The following TTC23L variants were observed in gnomAD, a reference collection of about 807,000 sequenced individuals.
TTC23L encodes tetratricopeptide repeat domain 23 like.
In TTC23L, 42 loss-of-function variants were observed where a neutral mutation model predicts 48.1. The observed-to-expected ratio is 0.87, with a 90% CI of 0.68 to 1.13. The LOEUF is 1.13. TTC23L is among the 50% of genes most tolerant of loss of function. TTC23L has a pLI of 0.00. For missense variants in TTC23L, 391 were observed against 421.0 expected (o/e 0.93, Z 0.62); for synonymous variants, 159 against 157.2 (o/e 1.01, Z -0.09).
chr5:34,914,877 G>T, the TTC23L span: 6 of 1,614,122 alleles, frequency 3.7e-6, no homozygotes, highest in Non-Finnish European at 5.1e-6. Context: ...TGGATCTGTT[G>T]GGTCAGAAGG....
At chr5:34,918,911 A>G in the TTC23L span, 5 of 150,896 alleles carry the variant, frequency 3.3e-5, no homozygotes, top group African/African-American at 1.2e-4. Flanking sequence ...CTATTTCTAA[A>G]TGCCAGGTTA....
intron 7 of TTC23L, chr5:34,868,427 A>G (rs529785550): frequency 2.1e-4 from 33 of 153,698 alleles, no homozygotes; most frequent in Non-Finnish European, 3.9e-4. Flanking sequence ...TATAAAATCT[A>G]ACACTTTTTT....
the TTC23L span, chr5:34,916,434 A>G: frequency 6.6e-5 from 10 of 152,398 alleles, no homozygotes; most frequent in African/African-American, 2.4e-4. Flanking sequence ...CTTGTATTCA[A>G]CAGACATTGA....
chr5:34,864,548 A>C, exon 6 of TTC23L: 1 of 1,613,288 alleles, frequency 6.2e-7, no homozygotes, highest in Non-Finnish European at 8.5e-7. Context: ...ACGACCTAAC[A>C]CTTGCTTTGG....
At chr5:34,840,245 G>GC (rs1420312959) in intron 1 of TTC23L, among the ~76,000 whole-genome samples, 1 of 143,020 alleles carries the variant, frequency 7.0e-6, no homozygotes, top group East Asian at 2.0e-4. Context: ...CCCGGGGGGG[G>GC]GGGGGAAAGC....
intron 8 of TTC23L, among the ~76,000 whole-genome samples, chr5:34,876,449 A>G (rs1355792286): frequency 1.3e-5 from 2 of 152,198 alleles, no homozygotes; most frequent in Non-Finnish European, 2.9e-5. Flanking sequence ...AATGGACATT[A>G]ATAGGACAAT....
At chr5:34,924,670 A>G in the TTC23L span, among the ~76,000 whole-genome samples, 1 of 152,216 alleles carries the variant, frequency 6.6e-6, no homozygotes, top group African/African-American at 2.4e-5. Flanking sequence ...ACAACTTCCT[A>G]TAAGTACTAA....
the TTC23L span, chr5:34,915,629 G>A: frequency 8.1e-6 from 11 of 1,356,362 alleles, no homozygotes; most frequent in South Asian, 1.6e-4. Flanking sequence ...GCACAGACCT[G>A]GAGGACGACC....
chr5:34,847,710 G>C (rs749720877), intron 3 of TTC23L, among the ~76,000 whole-genome samples: 1 of 152,138 alleles, frequency 6.6e-6, no homozygotes, highest in Non-Finnish European at 1.5e-5. Context: ...CCTCGAAAGA[G>C]AACTTAGTAT....
At chr5:34,888,792 A>G (rs1762684303) in intron 9 of TTC23L, among the ~76,000 whole-genome samples, 1 of 152,224 alleles carries the variant, frequency 6.6e-6, no homozygotes, top group Non-Finnish European at 1.5e-5. Context: ...TTCAATGCTG[A>G]GCATTATAGA....
the TTC23L span, chr5:34,911,684 C>G: frequency 9.3e-6 from 15 of 1,614,028 alleles, no homozygotes; most frequent in African/African-American, 1.7e-4. Context: ...CTGCAGAAAT[C>G]AAAGTCCAGG....
chr5:34,847,244 G>C (rs896199489), intron 3 of TTC23L, among the ~76,000 whole-genome samples: 6 of 152,232 alleles, frequency 3.9e-5, no homozygotes, highest in Admixed American at 3.3e-4. Context: ...TCCTGGCCTG[G>C]ACCCATTAGT....
intron 9 of TTC23L, among the ~76,000 whole-genome samples, chr5:34,881,259 G>A (rs1044728024): frequency 1.3e-5 from 2 of 152,094 alleles, no homozygotes; most frequent in African/African-American, 4.8e-5. Context: ...TGCAGTAGTG[G>A]TTTTCTCTTG....
At chr5:34,923,398 C>T in the TTC23L span, 248 of 609,508 alleles carry the variant, frequency 4.1e-4, no homozygotes, top group African/African-American at 4.2e-3. Flanking sequence ...CTCCCTCAGT[C>T]TCCTGAGTAG....
intron 9 of TTC23L, among the ~76,000 whole-genome samples, chr5:34,884,117 A>G (rs1020569114): frequency 6.6e-6 from 1 of 152,200 alleles, no homozygotes; most frequent in Non-Finnish European, 1.5e-5. Context: ...AAATCAATCA[A>G]TGAGATACAC....
the TTC23L span, chr5:34,908,957 G>C: frequency 6.8e-3 from 10,847 of 1,593,846 alleles, 63 homozygotes; most frequent in Non-Finnish European, 7.8e-3. Context: ...ATCTGTAGAA[G>C]AAAAAATAAA....
intron 7 of TTC23L, chr5:34,867,424 TTTTTAAA>T: frequency 3.9e-6 from 1 of 254,314 alleles, no homozygotes; most frequent in South Asian, 6.3e-5. Flanking sequence ...ACAAAAGGCC[TTTTTAAA>T]TGAAAAATCA....
the TTC23L span, chr5:34,922,329 G>A: frequency 7.2e-6 from 9 of 1,254,394 alleles, no homozygotes; most frequent in Admixed American, 3.9e-5. Flanking sequence ...TCATTTAAGT[G>A]GATTTGTTCT....
rs76195471 is a variant in TTC23L, at chr5:34,864,484, A to C, written c.584A>C (p.Lys195Thr). The change falls in exon 6 of 11, where the codon AAG becomes ACG. Residue 195 changes from lysine (K) to threonine (T), a missense_variant. By Grantham distance (78) the Lys-to-Thr change is moderately conservative. Transcript: ENST00000505624. The stretch of plus-strand genomic sequence containing the variant: ...CTGCAGAAGGCAGAGAGAAACATGA[A>C]GGAGCTGAAAGAATTATATAAAGGA... The C allele has an allele frequency of 1.7e-3, 2,784 of 1,613,882 alleles. 38 individuals are homozygous for C. The African/African-American group carries it at 0.034, about 20-fold the overall frequency.
Sources: allele counts gnomAD v4.1 joint callset (sites outside exome capture counted in the v4.1 genomes callset), GRCh38; gene constraint gnomAD v4.1.1; transcripts MANE v1.5; gene names NCBI Gene and HGNC (gene_info 2026-07-23, HGNC 2026-07-21).